CNOT1: variants seen among roughly 807,000 people sequenced by gnomAD.
CNOT1 encodes CCR4-associated factor 1.
CNOT1 carries 15 observed loss-of-function variants against 273.8 expected under a neutral mutation model. The observed-to-expected ratio is 0.05, with a 90% confidence interval of 0.04 to 0.08. The LOEUF (loss-of-function observed/expected upper bound fraction) is 0.08. CNOT1 is among the 10% of genes least tolerant of loss of function. The pLI is 1.00. For missense variants in CNOT1, 1,644 were observed against 2,912.2 expected, an observed-to-expected ratio of 0.56 and a Z score of 10.02; for synonymous variants, 1,022 against 1,005.5, an observed-to-expected ratio of 1.02 and a Z score of -0.31.
At chr16:58,549,026 G>A (rs1463723004) in intron 25 of CNOT1, among the ~76,000 whole-genome samples, 1 of 152,084 alleles carries the variant, frequency 6.6e-6, no homozygotes, top group African/African-American at 2.4e-5. Flanking sequence ...CAGTGGCTCA[G>A]GCCTGTAATC....
rs1371261050 is a variant in CNOT1, at chr16:58,615,504, G to T, written c.-175+14224C>A. Among the ~76,000 whole-genome samples the T allele has an allele frequency of 3.2e-5, 4 of 124,676 alleles. 2 individuals carry two copies. The highest frequency in any genetic ancestry group is 1.1e-4 in the African/African-American group (4 of 36,988). 81.8% of individuals were successfully genotyped at this position (124,676 alleles called of 152,430 possible). ...GAATAAACCCCCAAGACCTAGAGGA[G>T]GATGATGTCATGAGATGACAGACGA... On this transcript the variant is annotated intron_variant, in intron 1 of 48. Coordinates refer to ENST00000317147, the MANE Select transcript of CNOT1 (RefSeq NM_016284.5).
At chr16:58,558,398 AC>A in intron 18 of CNOT1, 74 bp downstream of exon 18, 1 of 1,589,442 alleles carries the variant, frequency 6.3e-7, no homozygotes, top group Non-Finnish European at 8.6e-7. Flanking sequence ...GTGACTCCAA[AC>A]CCCTTACCAA....
intron 1 of CNOT1, among the ~76,000 whole-genome samples, chr16:58,618,982 T>C (rs1030383376): frequency 1.3e-5 from 2 of 152,080 alleles, no homozygotes; most frequent in Non-Finnish European, 2.9e-5. Flanking sequence ...TTTTTGAGGC[T>C]GGGAGTGCAA....
At chr16:58,568,404 A>C (rs555063126) in intron 16 of CNOT1, among the ~76,000 whole-genome samples, 1 of 148,328 alleles carries the variant, frequency 6.7e-6, no homozygotes, top group East Asian at 2.0e-4. Context: ...AAAAACTTTG[A>C]GCCGGGTGCA....
rs2041883781 is a variant in CNOT1, at chr16:58,586,586, C to G, written c.596G>C (p.Gly199Ala). The G allele has an allele frequency of 6.2e-7, 1 of 1,612,114 alleles. No individual in the cohort carries two copies. The highest frequency in any genetic ancestry group is 1.1e-5 in the South Asian group (1 of 91,028). ...LFGQKGAFGVGQEQIDAFLKT... is the reference protein window; with the variant it reads ...LFGQKGAFGVAQEQIDAFLKT... Reference sequence around the variant, plus strand: ...AAGAAAAGCGTCTATCTGTTCTTGTCCAACTCCAAAGGCTCCCTTCTGCCC... The same window carrying G: ...AAGAAAAGCGTCTATCTGTTCTTGTGCAACTCCAAAGGCTCCCTTCTGCCC... The change falls in exon 7 of 49, where the codon GGA becomes GCA. Residue 199 changes from glycine to alanine, a missense_variant. Physicochemically the swap from Gly to Ala is moderately conservative, Grantham distance 60. Transcript: ENST00000317147.
intron 1 of CNOT1, among the ~76,000 whole-genome samples, chr16:58,619,428 CTTTCT>C (rs1349618576): frequency 2.0e-5 from 3 of 151,026 alleles, no homozygotes; most frequent in African/African-American, 7.3e-5. Context: ...TTTGCATTTT[CTTTCT>C]TTTTTTTTTT....
chr16:58,527,670 T>G (rs944395541), intron 44 of CNOT1, among the ~76,000 whole-genome samples: 1 of 152,222 alleles, frequency 6.6e-6, no homozygotes, highest in Admixed American at 6.5e-5. Context: ...AGATGTCATT[T>G]AAGGGGATAT....
intron 2 of CNOT1, among the ~76,000 whole-genome samples, chr16:58,596,213 T>C (rs1225140594): frequency 6.6e-6 from 1 of 152,150 alleles, no homozygotes; most frequent in Non-Finnish European, 1.5e-5. Context: ...ATCAGACCCC[T>C]GCACACTACA....
intron 44 of CNOT1, among the ~76,000 whole-genome samples, chr16:58,527,283 G>A (rs2039625275): frequency 6.6e-6 from 1 of 152,046 alleles, no homozygotes; most frequent in Non-Finnish European, 1.5e-5. Flanking sequence ...CAGCATTTTG[G>A]GAGGCCAAGG....
intron 16 of CNOT1, among the ~76,000 whole-genome samples, chr16:58,562,136 T>C (rs889535309): frequency 2.0e-5 from 3 of 151,200 alleles, no homozygotes; most frequent in African/African-American, 7.3e-5. Flanking sequence ...GGAGCCAAGA[T>C]TGCACTACTG....
chr16:58,538,409 A>T, intron 36 of CNOT1, 143 bp from the exon 37 acceptor site: 1 of 638,690 alleles, frequency 1.6e-6, no homozygotes, highest in Non-Finnish European at 2.8e-6. Context: ...AACAGCCAGT[A>T]ATGAAATAGA....
chr16:58,527,994 TCC>T, intron 44 of CNOT1: 2 of 352,132 alleles, frequency 5.7e-6, no homozygotes, highest in East Asian at 8.2e-5. Flanking sequence ...GTGCCTGTAA[TCC>T]CAGCTACTTG....
intron 1 of CNOT1, among the ~76,000 whole-genome samples, chr16:58,612,297 A>G (rs1368075434): frequency 6.6e-6 from 1 of 152,198 alleles, no homozygotes; most frequent in Non-Finnish European, 1.5e-5. Flanking sequence ...AATACTAAAA[A>G]AATACTAAAT....
chr16:58,560,381 G>A lies in CNOT1; in HGVS notation c.1980-19C>T, dbSNP rs1308642926. On this transcript the variant is annotated intron_variant, in intron 16 of 48. Transcript: ENST00000317147. ...AACACTCCTAAAATAGAGGGGAAAA[G>A]GTAAAAAATATCAGTTCCTATTCTC... is the stretch of plus-strand genomic sequence containing the variant. The A allele has an allele frequency of 3.7e-6, 6 of 1,603,530 alleles. No homozygotes were observed. Among genetic ancestry groups the A allele is most frequent in the Admixed American group, 1.7e-5 (1 of 57,176 alleles).
Position 58,545,507 on chromosome 16 carries a change from T to C in CNOT1, c.4007-16A>G, listed in dbSNP as rs1352850226. On this transcript the variant is annotated splice_polypyrimidine_tract_variant and intron_variant, in intron 29 of 48. Coordinates refer to ENST00000317147, the MANE Select transcript of CNOT1 (RefSeq NM_016284.5). ...GTAGAAGTTGCTAAATGTCAAGTAA[T>C]AAAAAGAGATTTAAAAAGTACATTT... 3 of 1,612,416 alleles carry C rather than the reference T, an allele frequency of 1.9e-6. No homozygotes were observed. Among genetic ancestry groups the C allele is most frequent in the Non-Finnish European group, 2.5e-6 (3 of 1,179,476 alleles).
intron 1 of CNOT1, among the ~76,000 whole-genome samples, chr16:58,605,899 C>T (rs909097292): frequency 6.6e-6 from 1 of 152,156 alleles, no homozygotes; most frequent in Non-Finnish European, 1.5e-5. Flanking sequence ...TCAGCGATCC[C>T]TCTGCCTAGG....
At chr16:58,608,219 TA>T (rs2042759225) in intron 1 of CNOT1, among the ~76,000 whole-genome samples, 1 of 151,570 alleles carries the variant, frequency 6.6e-6, no homozygotes, top group Non-Finnish European at 1.5e-5. Context: ...AAAAATAAAC[TA>T]AAACACAAAC....
chr16:58,590,395 C>A (rs57855548), intron 2 of CNOT1, among the ~76,000 whole-genome samples: 1 of 152,108 alleles, frequency 6.6e-6, no homozygotes, highest in African/African-American at 2.4e-5. Flanking sequence ...TTTCCCTTCT[C>A]TTCATTCAGA....
chr16:58,536,415 C>T (rs1194431220), intron 39 of CNOT1, among the ~76,000 whole-genome samples: 1 of 152,158 alleles, frequency 6.6e-6, no homozygotes, highest in African/African-American at 2.4e-5. Context: ...TTTTCCTGTT[C>T]ATCCTATTCA....
Sources: allele counts gnomAD v4.1 joint callset (sites outside exome capture counted in the v4.1 genomes callset), GRCh38; gene constraint gnomAD v4.1.1; transcripts MANE v1.5; gene names NCBI Gene and HGNC (gene_info 2026-07-23, HGNC 2026-07-21).